The following MAGI2 variants were observed in gnomAD, a reference collection of about 807,000 sequenced individuals.
MAGI2 encodes membrane-associated guanylate kinase, WW and PDZ domain-containing protein 2.
Under a neutral mutation model 133.3 loss-of-function variants are expected in MAGI2, and 35 were observed. The ratio of observed to expected loss-of-function variants is 0.26; its 90% CI spans 0.20 to 0.35. The LOEUF is 0.35. Ranked by LOEUF, MAGI2 falls within the 10% of genes least tolerant of loss-of-function variation. MAGI2 has a pLI of 1.00. For synonymous variants in MAGI2, 729 were observed against 710.6 expected (o/e 1.03, Z -0.41); for missense variants, 1,636 against 1,863.4 (o/e 0.88, Z 2.25).
chr7:78,502,421 A>AAAGGAACACAGCTCTGCCAAC (rs762423972), intron 4 of MAGI2, among the ~76,000 whole-genome samples: 5 of 152,164 alleles, frequency 3.3e-5, no homozygotes, highest in African/African-American at 1.2e-4. Context: ...GAGAATCCGG[A>AAAGGAACACAGCTCTGCCAAC]AAGGAACACA....
chr7:78,976,687 A>T (rs954015210), intron 2 of MAGI2, among the ~76,000 whole-genome samples: 20 of 141,156 alleles, frequency 1.4e-4, no homozygotes, highest in Non-Finnish European at 2.8e-4. Context: ...GACTTTTTTT[A>T]AAATGTAGAA....
chr7:79,447,676 C>T (rs897359756), intron 1 of MAGI2, among the ~76,000 whole-genome samples: 4 of 151,384 alleles, frequency 2.6e-5, no homozygotes, highest in South Asian at 2.1e-4. Flanking sequence ...TACTATAGTA[C>T]GTTAATAGTA....
At chr7:79,029,395 G>A (rs17406405) in intron 1 of MAGI2, among the ~76,000 whole-genome samples, 3,268 of 152,094 alleles carry the variant, frequency 0.021, 42 homozygotes, top group South Asian at 0.056. Flanking sequence ...ACTAAAGATG[G>A]GGTATTTAAG....
At chr7:79,245,835 C>T (rs1252803838) in intron 1 of MAGI2, among the ~76,000 whole-genome samples, 1 of 152,176 alleles carries the variant, frequency 6.6e-6, no homozygotes, top group Non-Finnish European at 1.5e-5. Context: ...CAGTGTTGTG[C>T]TGGCTTCAGG....
At chr7:79,368,788 C>T (rs1403737238) in intron 1 of MAGI2, among the ~76,000 whole-genome samples, 1 of 135,268 alleles carries the variant, frequency 7.4e-6, no homozygotes, top group Non-Finnish European at 1.5e-5. Context: ...GCGGAGCTTG[C>T]AGTGAGCCGA....
intron 1 of MAGI2, among the ~76,000 whole-genome samples, chr7:79,256,209 GAC>G (rs1470297486): frequency 6.6e-6 from 1 of 152,156 alleles, no homozygotes. Flanking sequence ...AACTACCTTT[GAC>G]ACAAACAAGT....
chr7:79,240,200 A>G (rs965700194), intron 1 of MAGI2, among the ~76,000 whole-genome samples: 2 of 152,142 alleles, frequency 1.3e-5, no homozygotes, highest in Non-Finnish European at 2.9e-5. Context: ...AGTGACAGTC[A>G]GGTCTTAAAG....
intron 1 of MAGI2, among the ~76,000 whole-genome samples, chr7:79,390,749 A>G (rs1844542335): frequency 6.6e-6 from 1 of 152,228 alleles, no homozygotes; most frequent in Admixed American, 6.5e-5. Context: ...AACTCAAGTC[A>G]TATTGCAGGG....
chr7:78,856,720 G>T (rs1216941645), intron 2 of MAGI2, among the ~76,000 whole-genome samples: 1 of 152,156 alleles, frequency 6.6e-6, no homozygotes, highest in Non-Finnish European at 1.5e-5. Context: ...GCTTAGGATT[G>T]TCTTGGCAAT....
At chr7:78,250,944 C>T (rs1792321389) in intron 10 of MAGI2, among the ~76,000 whole-genome samples, 1 of 151,936 alleles carries the variant, frequency 6.6e-6, no homozygotes, top group Admixed American at 6.6e-5. Flanking sequence ...GAAAAGAAAA[C>T]AACAGAAAAA....
At chr7:78,044,708 C>CGTGTGT (rs1811239168) in intron 21 of MAGI2, among the ~76,000 whole-genome samples, 1 of 37,898 alleles carries the variant, frequency 2.6e-5, no homozygotes, top group African/African-American at 2.3e-4. Context: ...TGTGTGTGCA[C>CGTGTGT]GTGTGCACAC....
At chr7:79,086,000 T>A (rs894111711) in intron 1 of MAGI2, among the ~76,000 whole-genome samples, 13 of 151,962 alleles carry the variant, frequency 8.6e-5, no homozygotes, top group African/African-American at 3.1e-4. Flanking sequence ...TGCACAATTC[T>A]TCATATGCAT....
At chr7:78,328,043 C>T (rs1291803436) in intron 9 of MAGI2, among the ~76,000 whole-genome samples, 1 of 152,128 alleles carries the variant, frequency 6.6e-6, no homozygotes, top group Non-Finnish European at 1.5e-5. Flanking sequence ...GTCATTTCTG[C>T]CAGAGGCACA....
intron 1 of MAGI2, among the ~76,000 whole-genome samples, chr7:79,440,393 T>C (rs1394393477): frequency 6.6e-6 from 1 of 152,122 alleles, no homozygotes; most frequent in Non-Finnish European, 1.5e-5. Flanking sequence ...TTCTTGATTA[T>C]GTTCTATTTT....
intron 6 of MAGI2, among the ~76,000 whole-genome samples, chr7:78,408,725 G>C (rs755671098): frequency 8.6e-5 from 13 of 152,026 alleles, no homozygotes; most frequent in Non-Finnish European, 1.9e-4. Flanking sequence ...TTTGAAGATG[G>C]AAAGTAAAAT....
At chr7:78,658,056 C>T (rs911242269) in intron 2 of MAGI2, among the ~76,000 whole-genome samples, 10 of 152,162 alleles carry the variant, frequency 6.6e-5, no homozygotes, top group African/African-American at 2.4e-4. Flanking sequence ...TTGTGCAGAA[C>T]TGATATTAAT....
chr7:79,144,288 C>A (rs1404283748), intron 1 of MAGI2, among the ~76,000 whole-genome samples: 12 of 152,136 alleles, frequency 7.9e-5, no homozygotes, highest in Admixed American at 7.9e-4. Context: ...CTCCAAATCT[C>A]ACGTGGAATT....
chr7:78,172,311 C>T (rs147416145), intron 14 of MAGI2, among the ~76,000 whole-genome samples: 375 of 152,336 alleles, frequency 2.5e-3, no homozygotes, highest in Non-Finnish European at 4.3e-3. Flanking sequence ...CCTGGGACAA[C>T]TTGCCACTAT....
chr7:78,698,752 T>C (rs1817765968), intron 2 of MAGI2, among the ~76,000 whole-genome samples: 2 of 152,106 alleles, frequency 1.3e-5, no homozygotes, highest in African/African-American at 4.8e-5. Context: ...CTTTTTCACG[T>C]GGCAGTGCGA....
Sources: allele counts gnomAD v4.1 joint callset (sites outside exome capture counted in the v4.1 genomes callset), GRCh38; gene constraint gnomAD v4.1.1; transcripts MANE v1.5; gene names NCBI Gene and HGNC (gene_info 2026-07-23, HGNC 2026-07-21).